The following ADCY2 variants were observed in gnomAD, a reference collection of about 807,000 sequenced individuals.
ADCY2 encodes the protein adenylate cyclase type 2.
Under a neutral mutation model 125.2 loss-of-function variants are expected in ADCY2, and 31 were observed. The observed-to-expected ratio is 0.25, with a 90% CI of 0.19 to 0.33. The LOEUF (loss-of-function observed/expected upper bound fraction) is 0.33, where lower values mean the gene tolerates loss of function less well. Ranked by LOEUF, ADCY2 falls within the 10% of genes least tolerant of loss-of-function variation. The pLI is 1.00. For synonymous variants in ADCY2, 512 were observed against 548.4 expected, an observed-to-expected ratio of 0.93 and a Z score of 0.93; for missense variants, 904 against 1,418.2, an observed-to-expected ratio of 0.64 and a Z score of 5.82.
chr5:7,583,803 A>G (rs1455086092), intron 3 of ADCY2, among the ~76,000 whole-genome samples: 2 of 152,178 alleles, frequency 1.3e-5, no homozygotes, highest in African/African-American at 4.8e-5. Context: ...TTGATTTCAA[A>G]TAGCAAAAAC....
At chr5:7,509,676 A>G (rs1242066608) in intron 2 of ADCY2, among the ~76,000 whole-genome samples, 2 of 152,206 alleles carry the variant, frequency 1.3e-5, no homozygotes, top group Admixed American at 6.5e-5. Flanking sequence ...CTTTCCATCA[A>G]AGAACATAAT....
At chr5:7,750,027 G>T (rs1379810882) in intron 15 of ADCY2, among the ~76,000 whole-genome samples, 2 of 152,072 alleles carry the variant, frequency 1.3e-5, no homozygotes, top group Non-Finnish European at 2.9e-5. Context: ...TAGGTTTTAG[G>T]TGTGTCTCTG....
At chr5:7,559,837 G>T (rs1238818176) in intron 3 of ADCY2, among the ~76,000 whole-genome samples, 4 of 152,144 alleles carry the variant, frequency 2.6e-5, no homozygotes, top group Non-Finnish European at 5.9e-5. Context: ...AAATGAAAAA[G>T]CCTACTTCAG....
intron 2 of ADCY2, among the ~76,000 whole-genome samples, chr5:7,470,054 CTTTA>C (rs1487181486): frequency 6.6e-6 from 1 of 151,658 alleles, no homozygotes; most frequent in Non-Finnish European, 1.5e-5. Flanking sequence ...GCCAAGTTAA[CTTTA>C]TTTATTTGAA....
intron 3 of ADCY2, among the ~76,000 whole-genome samples, chr5:7,580,213 T>C (rs1736383862): frequency 6.6e-6 from 1 of 152,124 alleles, no homozygotes; most frequent in Non-Finnish European, 1.5e-5. Context: ...AATACACCCA[T>C]GTAAAAAAAC....
chr5:7,715,558 T>A lies in ADCY2; in HGVS notation c.1623-1599T>A, dbSNP rs552376696. On this transcript the variant is annotated intron_variant, in intron 11 of 24. Coordinates refer to ENST00000338316, the MANE Select transcript of ADCY2 (RefSeq NM_020546.3). ...TGCTTGGTAAAGGATTCCTTGCTTTTTTTTTTTTTTAAGGAAAATAAAAAT... is the reference window on the plus strand; with the variant it reads ...TGCTTGGTAAAGGATTCCTTGCTTTATTTTTTTTTTAAGGAAAATAAAAAT... Among the ~76,000 whole-genome samples, 128 of 152,116 alleles carry A rather than the reference T, an allele frequency of 8.4e-4. 1 individual carries two copies. Among genetic ancestry groups the A allele is most frequent in the African/African-American group, 3.0e-3 (123 of 41,518 alleles).
At chr5:7,671,572 TC>T (rs1299263431) in intron 4 of ADCY2, among the ~76,000 whole-genome samples, 1 of 152,152 alleles carries the variant, frequency 6.6e-6, no homozygotes, top group African/African-American at 2.4e-5. Context: ...GGTGGAGACA[TC>T]CGTGACAGCA....
chr5:7,418,647 GTTT>G (rs869287430), intron 2 of ADCY2, among the ~76,000 whole-genome samples: 2,697 of 73,134 alleles, frequency 0.037, 9 homozygotes, highest in South Asian at 0.049. Flanking sequence ...TCTACCTTCT[GTTT>G]TTTTTTTTTT....
chr5:7,557,912 G>T (rs577243346), intron 3 of ADCY2, among the ~76,000 whole-genome samples: 1 of 151,960 alleles, frequency 6.6e-6, no homozygotes, highest in Admixed American at 6.5e-5. Flanking sequence ...TAGGTCGAAT[G>T]GTATGTCTGT....
intron 8 of ADCY2, among the ~76,000 whole-genome samples, chr5:7,707,199 C>T (rs1378378397): frequency 1.3e-5 from 2 of 152,172 alleles, no homozygotes; most frequent in Non-Finnish European, 2.9e-5. Context: ...TTTTACAAAA[C>T]AGTCCAGATA....
At chr5:7,784,577 G>A in intron 19 of ADCY2, 128 bp downstream of exon 19, 1 of 650,152 alleles carries the variant, frequency 1.5e-6, no homozygotes, top group Non-Finnish European at 2.6e-6. Flanking sequence ...TCTTATCACT[G>A]AAGATAAAAC....
chr5:7,481,919 C>G (rs1742746780), intron 2 of ADCY2, among the ~76,000 whole-genome samples: 1 of 151,934 alleles, frequency 6.6e-6, no homozygotes, highest in Non-Finnish European at 1.5e-5. Flanking sequence ...CCATGTTTTT[C>G]TTTAGTAGTT....
intron 17 of ADCY2, among the ~76,000 whole-genome samples, chr5:7,771,077 A>C (rs1396713322): frequency 6.6e-6 from 1 of 152,206 alleles, no homozygotes; most frequent in Non-Finnish European, 1.5e-5. Flanking sequence ...AACATGGAGC[A>C]TTAATGTACC....
chr5:7,591,958 T>C (rs189477501), intron 3 of ADCY2, among the ~76,000 whole-genome samples: 1 of 152,364 alleles, frequency 6.6e-6, no homozygotes, highest in African/African-American at 2.4e-5. Context: ...ATTGTTTTCC[T>C]TTTCAATTTG....
chr5:7,426,503 G>T (rs527760074), intron 2 of ADCY2, among the ~76,000 whole-genome samples: 19 of 152,188 alleles, frequency 1.2e-4, no homozygotes, highest in Non-Finnish European at 2.2e-4. Context: ...GCACTCCAAG[G>T]GTATTAATTT....
At chr5:7,821,563 T>C (rs974473531) in intron 24 of ADCY2, among the ~76,000 whole-genome samples, 66 of 152,310 alleles carry the variant, frequency 4.3e-4, no homozygotes, top group African/African-American at 1.6e-3. Flanking sequence ...CTAGATGCTG[T>C]GGCTACAGCA....
chr5:7,483,197 G>C (rs1431748367), intron 2 of ADCY2, among the ~76,000 whole-genome samples: 1 of 152,078 alleles, frequency 6.6e-6, no homozygotes, highest in Non-Finnish European at 1.5e-5. Context: ...AATGACAAAT[G>C]TTTGAGGTAA....
chr5:7,609,599 A>G (rs531533508), intron 3 of ADCY2, among the ~76,000 whole-genome samples: 15 of 152,342 alleles, frequency 9.8e-5, no homozygotes, highest in African/African-American at 3.6e-4. Flanking sequence ...ATCTATATAT[A>G]GGGGAATATA....
chr5:7,671,129 G>A lies in ADCY2; in HGVS notation c.721-19562G>A, dbSNP rs532567147. On this transcript the variant is annotated intron_variant, in intron 4 of 24. Coordinates refer to ENST00000338316, the MANE Select transcript of ADCY2 (RefSeq NM_020546.3). The stretch of plus-strand genomic sequence containing the variant: ...CACTTCAGTTCTTCAGCTATGAACA[G>A]CATGCCTATGTGTATTTTAAATCCA... 8.5e-5 allele frequency among the ~76,000 whole-genome samples: 13 copies of A among 152,308 alleles called. No individual in the cohort carries two copies. In the East Asian group the frequency reaches 2.5e-3, roughly 29 times the overall value.
Sources: gnomAD v4.1 joint callset for allele counts (sites outside exome capture counted in the v4.1 genomes callset) on GRCh38, gnomAD v4.1.1 for gene constraint, MANE v1.5 for transcripts, NCBI Gene and HGNC (gene_info 2026-07-23, HGNC 2026-07-21) for gene names.